AXIN1: variants seen among roughly 807,000 people sequenced by gnomAD.
AXIN1 encodes the protein axin 1.
A neutral mutation model predicts 76.4 loss-of-function variants in AXIN1; 30 were observed. That is an observed-to-expected ratio of 0.39 (90% CI 0.29 to 0.53). AXIN1 has a LOEUF of 0.53. Among genes scored for constraint, AXIN1 ranks in the 20% least tolerant of loss-of-function variants. The probability of loss-of-function intolerance (pLI) is 0.66; values close to 1 mark genes in which losing one functional copy is unlikely to be tolerated. For missense variants in AXIN1, 1,140 were observed against 1,198.8 expected, an observed-to-expected ratio of 0.95 and a Z score of 0.72; for synonymous variants, 545 against 501.4, an observed-to-expected ratio of 1.09 and a Z score of -1.16.
At chr16:305,672 T>C (rs1316239677) in intron 4 of AXIN1, among the ~76,000 whole-genome samples, 2 of 151,788 alleles carry the variant, frequency 1.3e-5, no homozygotes, top group Admixed American at 1.3e-4. Flanking sequence ...GCCTCCCGAG[T>C]AGCTGGGACT....
chr16:295,434 T>A (rs1431085466), intron 7 of AXIN1, among the ~76,000 whole-genome samples: 1 of 151,904 alleles, frequency 6.6e-6, no homozygotes, highest in African/African-American at 2.4e-5. Context: ...GGATACAAAT[T>A]ATATACTAAT....
At chr16:296,134 T>C (rs1374337762) in intron 7 of AXIN1, among the ~76,000 whole-genome samples, 1 of 152,124 alleles carries the variant, frequency 6.6e-6, no homozygotes, top group Non-Finnish European at 1.5e-5. Flanking sequence ...TGTGCACCCC[T>C]GTTCCCTCGG....
At position 320,743 on chromosome 16, in the gene AXIN1, A is replaced by ATTTTT. The variant is rs71299927; in HGVS notation, c.879-6065_879-6061dup. 1.5e-3 allele frequency among the ~76,000 whole-genome samples: 164 copies of ATTTTT among 107,594 alleles called. 3 individuals carry two copies. The highest frequency in any genetic ancestry group is 5.7e-3 in the African/African-American group (124 of 21,756). 70.6% of individuals were successfully genotyped at this position (107,594 alleles called of 152,430 possible). On this transcript the variant is annotated intron_variant, in intron 2 of 10. Transcript: ENST00000262320. ...TGTGTGTATATATATATATATATATATTTTTTTTTTTTTTGAGACGGAGCC... is the reference window on the plus strand; with the variant it reads ...TGTGTGTATATATATATATATATATATTTTTTTTTTTTTTTTTTTGAGACGGAGCC...
intron 6 of AXIN1, 46 bp downstream of exon 6, chr16:297,676 A>G (rs369856944): frequency 1.4e-4 from 214 of 1,539,062 alleles, no homozygotes; most frequent in Non-Finnish European, 1.8e-4. Context: ...CTGCAGGGAC[A>G]CAGCCTCACC....
chr16:310,339 G>GCCT (rs1447602373), intron 3 of AXIN1, among the ~76,000 whole-genome samples: 1 of 152,218 alleles, frequency 6.6e-6, no homozygotes, highest in African/African-American at 2.4e-5. Flanking sequence ...CCTCCACAAA[G>GCCT]CCTCCTTGTG....
rs866301662 is a variant in AXIN1 at position 326,615 on chromosome 16, G to T, written c.879-11932C>A. Among the ~76,000 whole-genome samples the T allele has an allele frequency of 4.7e-5, 7 of 147,416 alleles. No individual in the cohort carries two copies. In the East Asian group the frequency reaches 1.5e-3, roughly 31 times the overall value. On this transcript the variant is annotated intron_variant, in intron 2 of 10. Transcript: ENST00000262320. ...TACAAAAAATTAGCTGGGCGTGGTG[G>T]CACGCCTGTAGTCCCAGCTACTCGG...
chr16:319,428 G>A (rs924051951), intron 2 of AXIN1, among the ~76,000 whole-genome samples: 5 of 152,316 alleles, frequency 3.3e-5, no homozygotes, highest in East Asian at 1.9e-4. Flanking sequence ...GTGAGGAGGC[G>A]CTGATGGCAG....
chr16:318,949 T>C lies in AXIN1; in HGVS notation c.879-4266A>G, dbSNP rs902808924. Among the ~76,000 whole-genome samples the C allele has an allele frequency of 9.3e-5, 14 of 150,340 alleles. 1 individual carries two copies. In the South Asian group the frequency reaches 3.0e-3, roughly 32 times the overall value. On this transcript the variant is annotated intron_variant, in intron 2 of 10. Coordinates refer to ENST00000262320, the MANE Select transcript of AXIN1 (RefSeq NM_003502.4). ...GACCCCTGGCTGTGTGTGGAGAGAATGCGGCCGGGGCCTTGGTGAGAGCGG... is the reference window on the plus strand; with the variant it reads ...GACCCCTGGCTGTGTGTGGAGAGAACGCGGCCGGGGCCTTGGTGAGAGCGG...
intron 2 of AXIN1, among the ~76,000 whole-genome samples, chr16:319,095 G>A (rs1369349502): frequency 6.6e-6 from 1 of 152,212 alleles, no homozygotes; most frequent in Non-Finnish European, 1.5e-5. Context: ...CCAGGACTCA[G>A]GCAGAGTCCG....
intron 3 of AXIN1, among the ~76,000 whole-genome samples, chr16:313,875 C>T (rs2053239595): frequency 6.6e-6 from 1 of 152,232 alleles, no homozygotes; most frequent in South Asian, 2.1e-4. Context: ...TAAGCTTCTG[C>T]CTGTCACCTC....
At position 323,976 on chromosome 16, in the gene AXIN1, G is replaced by A. The variant is rs773524864; in HGVS notation, c.879-9293C>T. 3.2e-4 allele frequency among the ~76,000 whole-genome samples: 48 copies of A among 152,162 alleles called. 1 individual carries two copies. The highest frequency in any genetic ancestry group is 6.5e-4 in the Non-Finnish European group (44 of 68,026). On this transcript the variant is annotated intron_variant, in intron 2 of 10. Coordinates refer to ENST00000262320, the MANE Select transcript of AXIN1 (RefSeq NM_003502.4). ...ACCCTGGAGACACCAGCCTGTGGGA[G>A]CCCCAAAGCCCACAGGAGAGCCCCA...
At chr16:304,825 G>A (rs1002274922) in intron 4 of AXIN1, among the ~76,000 whole-genome samples, 4 of 152,176 alleles carry the variant, frequency 2.6e-5, no homozygotes, top group African/African-American at 7.2e-5. Context: ...GTGAGCCACC[G>A]GGCCCGGCCT....
At position 346,376 on chromosome 16, in the gene AXIN1, C is replaced by A. The variant is rs1202519409; in HGVS notation, c.650G>T (p.Ser217Ile). The change falls in exon 2 of 11, where the codon AGC becomes ATC. Residue 217 changes from serine to isoleucine, a missense_variant. This residue lies in a region of AXIN1 where 708 missense variants were observed against 776.9 expected (regional missense o/e 0.91). Transcript: ENST00000262320. The part of the protein sequence containing the change: ...YLEYTRTGSE[S>I]PKVCSDQSSG... ...GCTCTGGTCACTACAGACTTTGGGG[C>A]TCTCCGAGCCTGTCCTCGTATATTC... 1 of 1,614,110 alleles carries A rather than the reference C, an allele frequency of 6.2e-7. No homozygotes were observed. The highest frequency in any genetic ancestry group is 8.5e-7 in the Non-Finnish European group (1 of 1,180,050).
chr16:325,235 C>T (rs1025967104), intron 2 of AXIN1, among the ~76,000 whole-genome samples: 4 of 152,230 alleles, frequency 2.6e-5, no homozygotes, highest in Admixed American at 2.6e-4. Flanking sequence ...GGAAATCCAC[C>T]TGTCGCTCGA....
chr16:298,157 CG>C lies in AXIN1; in HGVS notation c.1348del (p.Arg450AlafsTer30). On this transcript the variant is annotated frameshift_variant, in exon 6 of 11. Transcript: ENST00000262320. LOFTEE classifies it high-confidence loss of function. ...PAPAWHHFPP[R>X]CVDMGCAGLR... Reference sequence around the variant, plus strand: ...CCCGGCACAGCCCATGTCCACACAGCGGGGCGGGAAGTGGTGCCAAGCGGGG... The same window carrying C: ...CCCGGCACAGCCCATGTCCACACAGCGGGCGGGAAGTGGTGCCAAGCGGGG... 1 of 1,543,244 alleles carries C rather than the reference CG, an allele frequency of 6.5e-7. No homozygotes were observed. Among genetic ancestry groups the C allele is most frequent in the Non-Finnish European group, 8.7e-7 (1 of 1,147,574 alleles).
In AXIN1 at chr16:307,675, G is replaced by A. The variant is rs529810706; in HGVS notation, c.1116+2298C>T. Reference sequence around the variant, plus strand: ...CCTCCGTGGGTGCAGCCACAACAGGGTTCTGCTCCTATGAGCGTCTAAGCT... The same window carrying A: ...CCTCCGTGGGTGCAGCCACAACAGGATTCTGCTCCTATGAGCGTCTAAGCT... On this transcript the variant is annotated intron_variant, in intron 4 of 10. Transcript: ENST00000262320. 6.6e-5 allele frequency among the ~76,000 whole-genome samples: 10 copies of A among 152,264 alleles called. No homozygotes were observed. In the East Asian group the frequency reaches 1.7e-3, roughly 26 times the overall value.
At chr16:295,129 G>A (rs1036903313) in intron 7 of AXIN1, among the ~76,000 whole-genome samples, 1 of 137,074 alleles carries the variant, frequency 7.3e-6, no homozygotes, top group African/African-American at 2.7e-5. Flanking sequence ...ACAGAGTTTT[G>A]CTCTTGTTGC....
chr16:352,078 C>T (rs7186323), intron 1 of AXIN1, among the ~76,000 whole-genome samples: 26,512 of 152,040 alleles, frequency 0.17, 2,416 homozygotes, highest in South Asian at 0.28. Context: ...GCCGGACTCC[C>T]GCCGACTTCT....
At chr16:345,889 A>G (rs1209058361) in intron 2 of AXIN1, among the ~76,000 whole-genome samples, 1 of 152,230 alleles carries the variant, frequency 6.6e-6, no homozygotes, top group Non-Finnish European at 1.5e-5. Context: ...TGTGACTTCT[A>G]AGAATTCCGA....
Sources: allele counts gnomAD v4.1 joint callset (sites outside exome capture counted in the v4.1 genomes callset), GRCh38; gene constraint gnomAD v4.1.1; regional missense constraint gnomAD v4.1.1; transcripts MANE v1.5; gene names NCBI Gene and HGNC (gene_info 2026-07-23, HGNC 2026-07-21).